The following CAMKMT variants were observed in gnomAD, a reference collection of about 807,000 sequenced individuals.
CAMKMT encodes calmodulin-lysine N-methyltransferase.
CAMKMT carries 53 observed loss-of-function variants against 48.0 expected under a neutral mutation model. The observed-to-expected ratio is 1.10, with a 90% confidence interval of 0.89 to 1.39. The LOEUF (loss-of-function observed/expected upper bound fraction) is 1.39. Among genes scored for constraint, CAMKMT ranks in the 40% most tolerant of loss-of-function variants. The probability of loss-of-function intolerance (pLI) is 0.00; values close to 1 mark genes in which losing one functional copy is unlikely to be tolerated. For missense variants in CAMKMT, 428 were observed against 402.7 expected (o/e 1.06, Z -0.54); for synonymous variants, 165 against 152.3 (o/e 1.08, Z -0.61).
chr2:44,378,898 T>C (rs910331572), intron 2 of CAMKMT, among the ~76,000 whole-genome samples: 11 of 152,216 alleles, frequency 7.2e-5, no homozygotes, highest in Non-Finnish European at 1.5e-4. Flanking sequence ...TGGATCAATT[T>C]TCTTTTACTC....
chr2:44,520,455 A>G (rs890040834), intron 3 of CAMKMT, among the ~76,000 whole-genome samples: 4 of 152,122 alleles, frequency 2.6e-5, no homozygotes, highest in African/African-American at 4.8e-5. Context: ...ACTTCTACTC[A>G]TCAACCCTCT....
chr2:44,401,488 C>T (rs1028536895), intron 3 of CAMKMT, among the ~76,000 whole-genome samples: 8 of 151,696 alleles, frequency 5.3e-5, no homozygotes, highest in African/African-American at 1.7e-4. Context: ...ACCCGGGAGG[C>T]GGAGGTTGCA....
At position 44,706,286 on chromosome 2, in the gene CAMKMT, G is replaced by A; in HGVS notation, c.438-1G>A. ...TCTACCATTTCTTTTCTCTCTTTCA[G>A]GGCCCTTGCTGTGTGTGAGCTAGGG... On this transcript the variant is annotated splice_acceptor_variant, in intron 4 of 10. Transcript: ENST00000378494. LOFTEE classifies it high-confidence loss of function. 1 of 1,613,088 alleles carries A rather than the reference G, an allele frequency of 6.2e-7. No individual in the cohort carries two copies. Among genetic ancestry groups the A allele is most frequent in the Non-Finnish European group, 8.5e-7 (1 of 1,179,408 alleles).
At chr2:44,432,305 C>T (rs1684697489) in intron 3 of CAMKMT, among the ~76,000 whole-genome samples, 1 of 152,068 alleles carries the variant, frequency 6.6e-6, no homozygotes, top group Non-Finnish European at 1.5e-5. Flanking sequence ...CATTGCCCAT[C>T]CCCTGACTCT....
At chr2:44,436,384 A>T (rs1371383526) in intron 3 of CAMKMT, among the ~76,000 whole-genome samples, 1 of 152,074 alleles carries the variant, frequency 6.6e-6, no homozygotes, top group Non-Finnish European at 1.5e-5. Flanking sequence ...GCCAAACTCA[A>T]TTCTCACTTC....
At position 44,362,161 on chromosome 2, in the gene CAMKMT, C is replaced by A; in HGVS notation, c.138+16C>A. On this transcript the variant is annotated intron_variant, in intron 1 of 10. Coordinates refer to ENST00000378494, the MANE Select transcript of CAMKMT (RefSeq NM_024766.5). The stretch of plus-strand genomic sequence containing the variant: ...CCTGCGGCAGGTAAGGGAGAACCTG[C>A]TCGCCTCACCTTTGCCTCTGGTCAC... 1 of 1,455,754 alleles carries A rather than the reference C, an allele frequency of 6.9e-7. No individual in the cohort carries two copies. The allele number at this position is 1,455,754 out of a possible 1,614,324, so 90.2% of individuals were successfully genotyped here. A position where few individuals can be genotyped will look rare whatever the true frequency, so the allele number is the denominator to read the frequency against.
intron 3 of CAMKMT, among the ~76,000 whole-genome samples, chr2:44,583,055 A>G (rs949752804): frequency 6.6e-6 from 1 of 152,198 alleles, no homozygotes; most frequent in Non-Finnish European, 1.5e-5. Context: ...CATATAATAC[A>G]TAATAGTCAT....
At chr2:44,573,948 GTT>G in intron 3 of CAMKMT, among the ~76,000 whole-genome samples, 1 of 152,182 alleles carries the variant, frequency 6.6e-6, no homozygotes, top group East Asian at 1.9e-4. Context: ...TTATAGTTAT[GTT>G]TTGATTTCTG....
intron 3 of CAMKMT, among the ~76,000 whole-genome samples, chr2:44,585,279 G>A (rs905396272): frequency 6.6e-6 from 1 of 152,182 alleles, no homozygotes; most frequent in Admixed American, 6.5e-5. Context: ...AGAGCAAATT[G>A]TACCAGATCG....
chr2:44,370,552 CTTAT>C, intron 1 of CAMKMT, among the ~76,000 whole-genome samples: 1 of 152,028 alleles, frequency 6.6e-6, no homozygotes, highest in South Asian at 2.1e-4. Context: ...TCTTATTAGT[CTTAT>C]TAAGGATTTA....
chr2:44,520,319 C>A (rs1307724135), intron 3 of CAMKMT, among the ~76,000 whole-genome samples: 2 of 152,048 alleles, frequency 1.3e-5, no homozygotes, highest in East Asian at 1.9e-4. Context: ...GAACTACTAC[C>A]CTCGAGGGAG....
intron 3 of CAMKMT, among the ~76,000 whole-genome samples, chr2:44,700,204 G>A (rs1677183985): frequency 6.6e-6 from 1 of 152,200 alleles, no homozygotes; most frequent in Non-Finnish European, 1.5e-5. Flanking sequence ...TTAGGGCCTT[G>A]CTCTGGATTG....
chr2:44,496,843 G>A (rs993883918), intron 3 of CAMKMT, among the ~76,000 whole-genome samples: 4 of 152,168 alleles, frequency 2.6e-5, no homozygotes, highest in African/African-American at 9.7e-5. Flanking sequence ...GGCATCTGGG[G>A]ACTCTGATAC....
intron 2 of CAMKMT, among the ~76,000 whole-genome samples, chr2:44,373,313 T>C (rs377126084): frequency 1.4e-4 from 21 of 152,336 alleles, no homozygotes; most frequent in African/African-American, 5.0e-4. Context: ...ACTTTCAGAA[T>C]AGAATCAATC....
intron 3 of CAMKMT, among the ~76,000 whole-genome samples, chr2:44,424,604 T>C (rs1197641801): frequency 2.6e-5 from 4 of 152,142 alleles, no homozygotes; most frequent in African/African-American, 9.7e-5. Flanking sequence ...AAGGAACGAA[T>C]TAATGGCATT....
At chr2:44,703,251 G>A (rs910489577) in intron 3 of CAMKMT, among the ~76,000 whole-genome samples, 1 of 152,110 alleles carries the variant, frequency 6.6e-6, no homozygotes, top group African/African-American at 2.4e-5. Flanking sequence ...ACCATCCTGT[G>A]ATAACAACTA....
At chr2:44,512,553 A>G (rs556902139) in intron 3 of CAMKMT, among the ~76,000 whole-genome samples, 11 of 152,240 alleles carry the variant, frequency 7.2e-5, no homozygotes, top group East Asian at 5.8e-4. Context: ...CTACCCTTTC[A>G]TTGTTGCTAG....
chr2:44,511,026 A>G (rs1670519260), intron 3 of CAMKMT, among the ~76,000 whole-genome samples: 1 of 151,972 alleles, frequency 6.6e-6, no homozygotes, highest in South Asian at 2.1e-4. Context: ...TTTTTAGTAG[A>G]GACGGGGTTT....
At position 44,754,082 on chromosome 2, in the gene CAMKMT, C is replaced by A. The variant is rs914664770; in HGVS notation, c.726C>A (p.Ser242Arg). Residue 242 changes from serine (S) to arginine (R), a missense_variant, in exon 9 of 11, where the codon AGC (serine) becomes AGA (arginine). By Grantham distance (110) the Ser-to-Arg change is moderately radical. Transcript: ENST00000378494. ...TGTTTCTGGACCAGTACAGAGCCAG[C>A]CTTGTTGATGCAATAAAGAGATTAC... ...DCLFLDQYRASLVDAIKRLLQ... is the reference protein window; with the variant it reads ...DCLFLDQYRARLVDAIKRLLQ... 1 of 1,613,806 alleles carries A rather than the reference C, an allele frequency of 6.2e-7. No homozygotes were observed.
Sources: gnomAD v4.1 joint callset for allele counts (sites outside exome capture counted in the v4.1 genomes callset) on GRCh38, gnomAD v4.1.1 for gene constraint, MANE v1.5 for transcripts, NCBI Gene and HGNC (gene_info 2026-07-23, HGNC 2026-07-21) for gene names.